The following ALK variants were observed in gnomAD, a reference collection of about 807,000 sequenced individuals.
ALK encodes ALK receptor tyrosine kinase.
Under a neutral mutation model 163.1 loss-of-function variants are expected in ALK, and 74 were observed. The observed-to-expected ratio is 0.45, with a 90% CI of 0.38 to 0.55. The LOEUF (loss-of-function observed/expected upper bound fraction) is 0.55. Ranked by LOEUF, ALK falls within the 20% of genes least tolerant of loss-of-function variation. The pLI is 0.00. For synonymous variants in ALK, 960 were observed against 843.2 expected, an observed-to-expected ratio of 1.14 and a Z score of -2.40; for missense variants, 2,063 against 2,105.3, an observed-to-expected ratio of 0.98 and a Z score of 0.39.
intron 1 of ALK, among the ~76,000 whole-genome samples, chr2:29,780,280 G>GGA (rs1681298442): frequency 6.6e-6 from 1 of 152,116 alleles, no homozygotes; most frequent in South Asian, 2.1e-4. Context: ...GATTGCCAGG[G>GGA]GACAGAATGC....
At chr2:29,624,411 C>G (rs1012639634) in intron 3 of ALK, among the ~76,000 whole-genome samples, 1 of 152,114 alleles carries the variant, frequency 6.6e-6, no homozygotes, top group African/African-American at 2.4e-5. Context: ...AGTGAGAAAC[C>G]CTCTATGGGA....
intron 2 of ALK, among the ~76,000 whole-genome samples, chr2:29,709,787 T>C (rs1181597380): frequency 1.3e-5 from 2 of 152,178 alleles, no homozygotes; most frequent in African/African-American, 4.8e-5. Flanking sequence ...CCAAGAGCCA[T>C]GTCATGTCTG....
intron 11 of ALK, among the ~76,000 whole-genome samples, chr2:29,252,127 G>GTGGCTTTC (rs1446680767): frequency 6.6e-6 from 1 of 151,864 alleles, no homozygotes; most frequent in African/African-American, 2.4e-5. Flanking sequence ...ACGTCCCTAG[G>GTGGCTTTC]TGGCTTTCTG....
At chr2:29,791,180 CAT>C (rs1282301173) in intron 1 of ALK, among the ~76,000 whole-genome samples, 1 of 152,176 alleles carries the variant, frequency 6.6e-6, no homozygotes, top group Non-Finnish European at 1.5e-5. Context: ...CACATGCACA[CAT>C]ATGTTTATTG....
intron 4 of ALK, among the ~76,000 whole-genome samples, chr2:29,386,833 A>G (rs1188721874): frequency 6.6e-6 from 1 of 152,228 alleles, no homozygotes; most frequent in East Asian, 1.9e-4. Flanking sequence ...GCAAGCTTAT[A>G]TCTAGGGTCA....
At chr2:29,285,239 G>A (rs548110726) in intron 9 of ALK, among the ~76,000 whole-genome samples, 14 of 146,310 alleles carry the variant, frequency 9.6e-5, no homozygotes, top group East Asian at 2.1e-4. Flanking sequence ...GCCTATCTCC[G>A]TGCTCAGTGG....
intron 4 of ALK, among the ~76,000 whole-genome samples, chr2:29,398,683 C>A (rs958286935): frequency 6.6e-6 from 1 of 152,118 alleles, no homozygotes; most frequent in Admixed American, 6.6e-5. Flanking sequence ...GGCAGGAGAG[C>A]AGGACCCCCC....
chr2:29,639,514 T>A (rs1676639569), intron 3 of ALK, among the ~76,000 whole-genome samples: 1 of 152,188 alleles, frequency 6.6e-6, no homozygotes, highest in Non-Finnish European at 1.5e-5. Context: ...GACTTTGCAC[T>A]CTAAAATAAA....
chr2:29,205,178 T>C (rs966473067), intron 26 of ALK, among the ~76,000 whole-genome samples: 2 of 152,238 alleles, frequency 1.3e-5, no homozygotes, highest in African/African-American at 2.4e-5. Context: ...GAGGATATTA[T>C]AGTTTTTTAG....
intron 3 of ALK, among the ~76,000 whole-genome samples, chr2:29,549,992 T>G (rs931138777): frequency 9.9e-5 from 15 of 151,352 alleles, no homozygotes; most frequent in African/African-American, 3.4e-4. Flanking sequence ...AGTGCTTCAA[T>G]TACTATTACA....
At chr2:29,298,743 C>CT (rs1034146033) in intron 8 of ALK, among the ~76,000 whole-genome samples, 7 of 152,166 alleles carry the variant, frequency 4.6e-5, no homozygotes, top group East Asian at 1.9e-4. Flanking sequence ...CCCCTTCTCT[C>CT]TTTTTTGTGG....
intron 3 of ALK, among the ~76,000 whole-genome samples, chr2:29,621,525 A>G (rs1676037420): frequency 1.3e-5 from 2 of 152,328 alleles, no homozygotes. Context: ...AGGCAAGATG[A>G]AGGAGGCAAT....
At chr2:29,442,022 G>A (rs894989502) in intron 4 of ALK, among the ~76,000 whole-genome samples, 1 of 152,134 alleles carries the variant, frequency 6.6e-6, no homozygotes, top group East Asian at 1.9e-4. Context: ...TCTAGAGCTC[G>A]CTGGTTTCAT....
At chr2:29,411,159 C>A (rs2148322123) in intron 4 of ALK, among the ~76,000 whole-genome samples, 1 of 152,278 alleles carries the variant, frequency 6.6e-6, no homozygotes. Flanking sequence ...CCTAGGCCTA[C>A]ACATGGTCAG....
At chr2:29,761,060 G>C (rs912971937) in intron 1 of ALK, among the ~76,000 whole-genome samples, 5 of 152,292 alleles carry the variant, frequency 3.3e-5, no homozygotes, top group African/African-American at 1.2e-4. Flanking sequence ...CCCCTGCCCA[G>C]GGAGAACACA....
intron 3 of ALK, 64 bp from the exon 4 acceptor site, chr2:29,532,180 G>A (rs1673139900): frequency 6.7e-7 from 1 of 1,493,922 alleles, no homozygotes. Context: ...GTAGCTCTGT[G>A]GCAAGACTTA....
chr2:29,596,393 C>T lies in ALK; in HGVS notation c.953-64277G>A, dbSNP rs140212415. Among the ~76,000 whole-genome samples, 224 of 152,318 alleles carry T rather than the reference C, an allele frequency of 1.5e-3. 3 individuals carry two copies. Among genetic ancestry groups the T allele is most frequent in the African/African-American group, 5.1e-3 (213 of 41,558 alleles). On this transcript the variant is annotated intron_variant, in intron 3 of 28. Coordinates refer to ENST00000389048, the MANE Select transcript of ALK (RefSeq NM_004304.5). ...ACAGACATCCTAAATGTGTTGCTGCCACCTTCACTCAACATGTCCAAAACA... is the reference window on the plus strand; with the variant it reads ...ACAGACATCCTAAATGTGTTGCTGCTACCTTCACTCAACATGTCCAAAACA...
intron 1 of ALK, among the ~76,000 whole-genome samples, chr2:29,851,583 T>A (rs1202407224): frequency 6.6e-6 from 1 of 152,176 alleles, no homozygotes; most frequent in Non-Finnish European, 1.5e-5. Context: ...CTGGAGGGCT[T>A]TTGGGCTCAG....
At chr2:29,779,632 A>G (rs1681279970) in intron 1 of ALK, among the ~76,000 whole-genome samples, 1 of 152,240 alleles carries the variant, frequency 6.6e-6, no homozygotes, top group Admixed American at 6.5e-5. Flanking sequence ...AAGCTCCCCA[A>G]GGAAGCCAGT....
Sources: allele counts gnomAD v4.1 joint callset (sites outside exome capture counted in the v4.1 genomes callset), GRCh38; gene constraint gnomAD v4.1.1; transcripts MANE v1.5; gene names NCBI Gene and HGNC (gene_info 2026-07-23, HGNC 2026-07-21).